Variants in BRINP3 observed in about 807,000 individuals in gnomAD.
BRINP3 encodes the protein BMP/retinoic acid-inducible neural-specific protein 3.
A neutral mutation model predicts 71.0 loss-of-function variants in BRINP3; 19 were observed. The ratio of observed to expected loss-of-function variants is 0.27; its 90% CI spans 0.19 to 0.39. BRINP3 has a LOEUF of 0.39. BRINP3 is among the 10% of genes least tolerant of loss of function. The probability of loss-of-function intolerance (pLI) is 1.00; values close to 1 mark genes in which losing one functional copy is unlikely to be tolerated. For missense variants in BRINP3, 959 were observed against 940.8 expected (o/e 1.02, Z -0.25); for synonymous variants, 380 against 337.7 (o/e 1.13, Z -1.37).
At chr1:190,180,483 GA>G (rs1216826684) in intron 6 of BRINP3, among the ~76,000 whole-genome samples, 2 of 152,018 alleles carry the variant, frequency 1.3e-5, no homozygotes, top group Non-Finnish European at 2.9e-5. Context: ...CCAATATAGG[GA>G]AAAAATGCTG....
intron 2 of BRINP3, among the ~76,000 whole-genome samples, chr1:190,331,429 G>T (rs1311470363): frequency 6.6e-6 from 1 of 151,952 alleles, no homozygotes; most frequent in Non-Finnish European, 1.5e-5. Context: ...AGTTTACCAA[G>T]AACTCTTCAT....
intron 2 of BRINP3, among the ~76,000 whole-genome samples, chr1:190,384,737 A>G (rs1162503812): frequency 1.3e-5 from 2 of 151,950 alleles, no homozygotes; most frequent in African/African-American, 2.4e-5. Context: ...ACTCAAAATT[A>G]TATCACTGCT....
At chr1:190,212,712 C>T (rs868505333) in intron 6 of BRINP3, among the ~76,000 whole-genome samples, 1 of 152,052 alleles carries the variant, frequency 6.6e-6, no homozygotes, top group African/African-American at 2.4e-5. Context: ...ATTAGCTAGA[C>T]ACACATTACA....
intron 1 of BRINP3, among the ~76,000 whole-genome samples, chr1:190,463,281 A>C (rs1215932648): frequency 6.6e-6 from 1 of 151,754 alleles, no homozygotes; most frequent in African/African-American, 2.4e-5. Flanking sequence ...ATGACACTTA[A>C]TATTTTGCTA....
At chr1:190,238,249 G>T (rs1223759148) in intron 4 of BRINP3, among the ~76,000 whole-genome samples, 1 of 151,692 alleles carries the variant, frequency 6.6e-6, no homozygotes, top group African/African-American at 2.4e-5. Context: ...ACTATATTTG[G>T]CTCGTATTCA....
At chr1:190,271,298 T>C (rs1249205123) in intron 3 of BRINP3, among the ~76,000 whole-genome samples, 1 of 151,596 alleles carries the variant, frequency 6.6e-6, no homozygotes, top group Non-Finnish European at 1.5e-5. Context: ...CTAATGCTGG[T>C]TTCAATTTAG....
chr1:190,260,522 A>G (rs2102858008), intron 4 of BRINP3, among the ~76,000 whole-genome samples: 1 of 152,160 alleles, frequency 6.6e-6, no homozygotes, highest in South Asian at 2.1e-4. Context: ...TTTCTTGGGT[A>G]TTCTTAAAGT....
chr1:190,177,100 C>A (rs866619915), intron 6 of BRINP3, among the ~76,000 whole-genome samples: 3 of 150,708 alleles, frequency 2.0e-5, no homozygotes, highest in South Asian at 2.1e-4. Context: ...GACTACTAGG[C>A]CAAAATCTTC....
intron 1 of BRINP3, among the ~76,000 whole-genome samples, chr1:190,471,392 T>A (rs1677128440): frequency 6.6e-6 from 1 of 151,234 alleles, no homozygotes; most frequent in Admixed American, 6.6e-5. Context: ...CCATTAGCAA[T>A]CAATAATATT....
At chr1:190,261,297 A>T (rs556738498) in intron 4 of BRINP3, among the ~76,000 whole-genome samples, 2 of 152,134 alleles carry the variant, frequency 1.3e-5, no homozygotes, top group African/African-American at 4.8e-5. Flanking sequence ...ATAATGACCA[A>T]CTCTAGACAT....
intron 2 of BRINP3, among the ~76,000 whole-genome samples, chr1:190,432,122 C>T (rs1674139148): frequency 6.6e-6 from 1 of 152,036 alleles, no homozygotes; most frequent in Non-Finnish European, 1.5e-5. Context: ...ATATGTAAAT[C>T]CCTGATAATT....
In BRINP3 at chr1:190,439,872, G is replaced by T. The variant is rs1281030217; in HGVS notation, c.236+14783C>A. 2.6e-5 allele frequency among the ~76,000 whole-genome samples: 4 copies of T among 151,944 alleles called. No homozygotes were observed. The East Asian group carries it at 7.7e-4, about 29-fold the overall frequency. On this transcript the variant is annotated intron_variant, in intron 2 of 7. Coordinates refer to ENST00000367462, the MANE Select transcript of BRINP3 (RefSeq NM_199051.3). Reference sequence around the variant, plus strand: ...CAAGCTATAAGTTCACATGTCGTGGGCAAGTTTTTTTAATTCTCATTTTGA... The same window carrying T: ...CAAGCTATAAGTTCACATGTCGTGGTCAAGTTTTTTTAATTCTCATTTTGA...
intron 7 of BRINP3, among the ~76,000 whole-genome samples, chr1:190,133,978 A>C (rs1029151288): frequency 1.3e-5 from 2 of 152,170 alleles, no homozygotes; most frequent in African/African-American, 4.8e-5. Context: ...AAAAAACCCC[A>C]AAACCACTTA....
At chr1:190,107,845 A>G (rs1652317486) in intron 7 of BRINP3, among the ~76,000 whole-genome samples, 1 of 150,070 alleles carries the variant, frequency 6.7e-6, no homozygotes, top group Non-Finnish European at 1.5e-5. Flanking sequence ...GGGGAAAATC[A>G]AATAATTATG....
intron 7 of BRINP3, among the ~76,000 whole-genome samples, chr1:190,127,639 C>T (rs1654197258): frequency 6.6e-6 from 1 of 151,858 alleles, no homozygotes; most frequent in Admixed American, 6.6e-5. Flanking sequence ...AAATTCCCTT[C>T]ACAATGAAAT....
intron 4 of BRINP3, among the ~76,000 whole-genome samples, chr1:190,257,141 G>C (rs1571536663): frequency 6.6e-6 from 1 of 152,196 alleles, no homozygotes; most frequent in East Asian, 1.9e-4. Context: ...CGTAGATTTA[G>C]TCTTTTCACA....
At position 190,165,443 on chromosome 1, in the gene BRINP3, G is replaced by GTTTTT. The variant is rs1222291505; in HGVS notation, c.962-4558_962-4554dup. On this transcript the variant is annotated intron_variant, in intron 6 of 7. Transcript: ENST00000367462. Reference sequence around the variant, plus strand: ...GCAAGTATGCTCTGTTTCATTGGCTGTTTTTTTTTTTTTTTTTTGTGTGTG... The same window carrying GTTTTT: ...GCAAGTATGCTCTGTTTCATTGGCTGTTTTTTTTTTTTTTTTTTTTTTTGTGTGTG... 3.9e-4 allele frequency among the ~76,000 whole-genome samples: 18 copies of GTTTTT among 46,602 alleles called. 5 individuals are homozygous for GTTTTT. The highest frequency in any genetic ancestry group is 2.1e-3 in the African/African-American group (16 of 7,600). 30.6% of individuals were successfully genotyped at this position (46,602 alleles called of 152,430 possible). A position where few individuals can be genotyped will look rare whatever the true frequency, so the allele number is the denominator to read the frequency against.
At chr1:190,418,254 T>C (rs1673135267) in intron 2 of BRINP3, among the ~76,000 whole-genome samples, 1 of 152,092 alleles carries the variant, frequency 6.6e-6, no homozygotes, top group African/African-American at 2.4e-5. Flanking sequence ...GTTTCATCAC[T>C]TGCCCAGGCT....
At chr1:190,245,429 T>G (rs2102788426) in intron 4 of BRINP3, among the ~76,000 whole-genome samples, 1 of 152,020 alleles carries the variant, frequency 6.6e-6, no homozygotes, top group Non-Finnish European at 1.5e-5. Flanking sequence ...ATTAAAATTC[T>G]AAGTGCCAGG....
Sources: gnomAD v4.1 joint callset for allele counts (sites outside exome capture counted in the v4.1 genomes callset) on GRCh38, gnomAD v4.1.1 for gene constraint, MANE v1.5 for transcripts, NCBI Gene and HGNC (gene_info 2026-07-23, HGNC 2026-07-21) for gene names.